The following MEP1A variants were observed in gnomAD, a reference collection of about 807,000 sequenced individuals.
The protein encoded by MEP1A is N-benzoyl-L-tyrosyl-P-amino-benzoic acid hydrolase subunit alpha.
A neutral mutation model predicts 84.5 loss-of-function variants in MEP1A; 68 were observed. The observed-to-expected ratio is 0.80, with a 90% CI of 0.66 to 0.98. The LOEUF (loss-of-function observed/expected upper bound fraction) is 0.98. Among genes scored for constraint, MEP1A ranks in the 50% least tolerant of loss-of-function variants. The pLI, the probability that MEP1A is intolerant of heterozygous loss-of-function variation, is 0.00. For missense variants in MEP1A, 887 were observed against 919.9 expected, an observed-to-expected ratio of 0.96 and a Z score of 0.46; for synonymous variants, 337 against 336.8, an observed-to-expected ratio of 1.00 and a Z score of -0.01.
chr6:46,822,149 T>C (rs1298989253), intron 7 of MEP1A, among the ~76,000 whole-genome samples: 1 of 152,242 alleles, frequency 6.6e-6, no homozygotes, highest in Admixed American at 6.5e-5. Context: ...ATGGGCCATA[T>C]CTACTTGCTT....
chr6:46,845,153 GA>G, the MEP1A span, among the ~76,000 whole-genome samples: 1 of 152,194 alleles, frequency 6.6e-6, no homozygotes, highest in African/African-American at 2.4e-5. Context: ...ATAGCAGTGT[GA>G]AAACAGACTG....
intron 13 of MEP1A, among the ~76,000 whole-genome samples, chr6:46,837,467 C>A (rs1390492479): frequency 2.0e-5 from 3 of 152,340 alleles, no homozygotes; most frequent in Admixed American, 1.3e-4. Context: ...CCCATAGAAT[C>A]AATCACTCTT....
At chr6:46,816,772 C>A (rs894083068) in intron 6 of MEP1A, among the ~76,000 whole-genome samples, 2 of 152,088 alleles carry the variant, frequency 1.3e-5, no homozygotes, top group Non-Finnish European at 2.9e-5. Flanking sequence ...TTTAGGACTG[C>A]GGGCTGCATG....
At chr6:46,825,624 T>C in intron 8 of MEP1A, 131 bp downstream of exon 8, 1 of 686,352 alleles carries the variant, frequency 1.5e-6, no homozygotes. Context: ...ACAAACTGCG[T>C]AACTTTTGTT....
At chr6:46,814,550 T>G (rs577849542) in intron 6 of MEP1A, among the ~76,000 whole-genome samples, 1 of 152,320 alleles carries the variant, frequency 6.6e-6, no homozygotes, top group East Asian at 1.9e-4. Flanking sequence ...TTTCTGGCAA[T>G]TCAGAGATTT....
chr6:46,808,221 A>C (rs1034072610), intron 5 of MEP1A, among the ~76,000 whole-genome samples: 1 of 152,092 alleles, frequency 6.6e-6, no homozygotes, highest in Non-Finnish European at 1.5e-5. Context: ...ACTAAGTAAG[A>C]ATAGGTAAAA....
intron 5 of MEP1A, among the ~76,000 whole-genome samples, chr6:46,802,588 GCTAGGA>G (rs1259038382): frequency 1.3e-5 from 2 of 151,472 alleles, no homozygotes; most frequent in African/African-American, 4.8e-5. Context: ...TATTGTTCTG[GCTAGGA>G]CCTTCATTAC....
intron 5 of MEP1A, among the ~76,000 whole-genome samples, chr6:46,808,243 T>A (rs1240085456): frequency 6.6e-6 from 1 of 151,944 alleles, no homozygotes; most frequent in Non-Finnish European, 1.5e-5. Context: ...TACATGAAAA[T>A]CTCCCAGCAG....
Position 46,834,578 on chromosome 6 carries a change from C to T in MEP1A, c.1610C>T (p.Ala537Val), listed in dbSNP as rs746578079. The T allele has an allele frequency of 1.3e-5, 21 of 1,600,228 alleles. No homozygotes were observed. Among genetic ancestry groups the T allele is most frequent in the African/African-American group, 4.0e-5 (3 of 74,342 alleles). Residue 537 changes from alanine (A) to valine (V), a missense_variant and splice_region_variant, in exon 12 of 14, where the codon GCG becomes GTG. Physicochemically the swap from Ala to Val is moderately conservative, Grantham distance 64. Coordinates refer to ENST00000230588, the MANE Select transcript of MEP1A (RefSeq NM_005588.3). ...TTTTATGTTACCTACAACTTTGCAG[C>T]GATAAATGACACTGTCATCTGGGAC... ...FTTSKSHTSPAINDTVIWDRP... is the reference protein window; with the variant it reads ...FTTSKSHTSPVINDTVIWDRP...
At chr6:46,837,661 C>T (rs1262968076) in intron 13 of MEP1A, among the ~76,000 whole-genome samples, 1 of 152,186 alleles carries the variant, frequency 6.6e-6, no homozygotes, top group Non-Finnish European at 1.5e-5. Flanking sequence ...TCAGCCTCCA[C>T]TCAGCCAAAC....
chr6:46,813,213 T>C (rs1488348460), intron 6 of MEP1A, among the ~76,000 whole-genome samples: 9 of 152,140 alleles, frequency 5.9e-5, no homozygotes, highest in Non-Finnish European at 1.3e-4. Flanking sequence ...TGTGAGTCCT[T>C]ATGTGTTATG....
intron 5 of MEP1A, among the ~76,000 whole-genome samples, chr6:46,807,343 TC>T (rs896999698): frequency 4.0e-5 from 6 of 151,458 alleles, no homozygotes; most frequent in Non-Finnish European, 1.5e-5. Flanking sequence ...TATATCCCTT[TC>T]TCTCAAGGAG....
At chr6:46,797,901 TC>T (rs1359025412) in intron 3 of MEP1A, among the ~76,000 whole-genome samples, 8 of 54,432 alleles carry the variant, frequency 1.5e-4, no homozygotes, top group South Asian at 9.5e-4. Flanking sequence ...CTTCCTTCCT[TC>T]CTTCCTTCCT....
intron 13 of MEP1A, among the ~76,000 whole-genome samples, chr6:46,837,821 C>A (rs1352848452): frequency 3.3e-5 from 5 of 152,006 alleles, no homozygotes; most frequent in African/African-American, 1.2e-4. Flanking sequence ...TCTAAGAAGT[C>A]AATTCTCAGG....
In MEP1A at chr6:46,829,040, A is replaced by AATTCATCTC. The variant is rs1195870188; in HGVS notation, c.929-314_929-306dup. Among the ~76,000 whole-genome samples, 11 of 152,312 alleles carry AATTCATCTC rather than the reference A, an allele frequency of 7.2e-5. No homozygotes were observed. In the East Asian group the frequency reaches 1.7e-3, roughly 24 times the overall value. ...AGAATGAAGTCAATGAGAAAAATAG[A>AATTCATCTC]ATTCATCTCACAGACACAAAATTCC... On this transcript the variant is annotated intron_variant, in intron 9 of 13. Coordinates refer to ENST00000230588, the MANE Select transcript of MEP1A (RefSeq NM_005588.3).
chr6:46,842,033 C>T (rs138970967), downstream of MEP1A, among the ~76,000 whole-genome samples: 7 of 152,288 alleles, frequency 4.6e-5, no homozygotes, highest in East Asian at 1.4e-3. Context: ...AATCTCTGAA[C>T]ATAAATTGTG....
rs962020408 is a variant in MEP1A at position 46,811,190 on chromosome 6, G to C, written c.380+1653G>C. On this transcript the variant is annotated intron_variant, in intron 6 of 13. Coordinates refer to ENST00000230588, the MANE Select transcript of MEP1A (RefSeq NM_005588.3). Reference sequence around the variant, plus strand: ...CCTTGCAGTGGTCTTTCAGTCTTTGGTTAGGTATATTCCTAAGTATTTTAT... The same window carrying C: ...CCTTGCAGTGGTCTTTCAGTCTTTGCTTAGGTATATTCCTAAGTATTTTAT... Among the ~76,000 whole-genome samples the C allele has an allele frequency of 3.3e-5, 5 of 151,988 alleles. No individual in the cohort carries two copies. The East Asian group carries it at 9.6e-4, about 29-fold the overall frequency.
rs191801497 is a variant in MEP1A, at chr6:46,812,387, A to G, written c.380+2850A>G. 2.8e-3 allele frequency among the ~76,000 whole-genome samples: 418 copies of G among 151,916 alleles called. 2 individuals are homozygous for G. Among genetic ancestry groups the G allele is most frequent in the Middle Eastern group, 0.02 (6 of 294 alleles). On this transcript the variant is annotated intron_variant, in intron 6 of 13. Coordinates refer to ENST00000230588, the MANE Select transcript of MEP1A (RefSeq NM_005588.3). ...TCTTTTCTTGGTTAATCTCACTAAT[A>G]ATCTATCAATTTTATTTATTTTTTC...
At chr6:46,805,689 C>T (rs114522691) in intron 5 of MEP1A, among the ~76,000 whole-genome samples, 116 of 151,894 alleles carry the variant, frequency 7.6e-4, no homozygotes, top group African/African-American at 2.5e-3. Flanking sequence ...TAGTTGTTTT[C>T]AATACGTTCT....
Sources: allele counts gnomAD v4.1 joint callset (sites outside exome capture counted in the v4.1 genomes callset), GRCh38; gene constraint gnomAD v4.1.1; transcripts MANE v1.5; gene names NCBI Gene and HGNC (gene_info 2026-07-23, HGNC 2026-07-21).